Variants in GRID1 observed in about 807,000 individuals in gnomAD.
GRID1 encodes the protein glutamate ionotropic receptor delta type subunit 1, also known as glutamate receptor ionotropic, delta-1.
In GRID1, 28 loss-of-function variants were observed where a neutral mutation model predicts 98.0. That is an observed-to-expected ratio of 0.29 (90% confidence interval 0.21 to 0.39). GRID1 has a LOEUF of 0.39. Among genes scored for constraint, GRID1 ranks in the 10% least tolerant of loss-of-function variants. The probability of loss-of-function intolerance (pLI) is 1.00; values close to 1 mark genes in which losing one functional copy is unlikely to be tolerated. For missense variants in GRID1, 1,111 were observed against 1,340.5 expected (o/e 0.83, Z 2.67); for synonymous variants, 553 against 538.5 (o/e 1.03, Z -0.37).
intron 8 of GRID1, among the ~76,000 whole-genome samples, chr10:85,842,551 G>A (rs1842970696): frequency 6.6e-6 from 1 of 151,930 alleles, no homozygotes; most frequent in African/African-American, 2.4e-5. Context: ...AATCACAAAT[G>A]TCAGGAATAA....
chr10:85,922,148 G>A lies in GRID1; in HGVS notation c.727-5909C>T, dbSNP rs560677937. Among the ~76,000 whole-genome samples the A allele has an allele frequency of 2.2e-4, 34 of 152,272 alleles. No homozygotes were observed. The South Asian group carries it at 2.5e-3, about 11-fold the overall frequency. ...AAGCCCCAGATAACTGTCTGAAAAAGTTTTTGGGTCTGAACCTGGCCCCGT... is the reference window on the plus strand; with the variant it reads ...AAGCCCCAGATAACTGTCTGAAAAAATTTTTGGGTCTGAACCTGGCCCCGT... On this transcript the variant is annotated intron_variant, in intron 4 of 15. Transcript: ENST00000327946.
intron 8 of GRID1, among the ~76,000 whole-genome samples, chr10:85,769,130 ATAAC>A (rs1044229945): frequency 3.9e-4 from 60 of 152,376 alleles, no homozygotes; most frequent in Middle Eastern, 3.4e-3. Context: ...TAATATGAAA[ATAAC>A]TGCAAGAAAA....
chr10:85,647,032 G>C (rs1372067684), intron 13 of GRID1, 170 bp downstream of exon 13: 8 of 661,726 alleles, frequency 1.2e-5, no homozygotes, highest in East Asian at 2.5e-5. Flanking sequence ...ATAAGAAGCA[G>C]AGCAGCTGCT....
chr10:86,064,874 G>T lies in GRID1; in HGVS notation c.726+73945C>A, dbSNP rs535874335. On this transcript the variant is annotated intron_variant, in intron 4 of 15. Transcript: ENST00000327946. ...AAGAAAGAAGACAAACTGAAAACTCGCTGGCCACATGAAGCCTGCAAATGC... is the reference window on the plus strand; with the variant it reads ...AAGAAAGAAGACAAACTGAAAACTCTCTGGCCACATGAAGCCTGCAAATGC... 7.7e-4 allele frequency among the ~76,000 whole-genome samples: 118 copies of T among 152,262 alleles called. 2 individuals carry two copies. The highest frequency in any genetic ancestry group is 1.2e-3 in the South Asian group (6 of 4,820).
At chr10:85,876,171 T>A (rs1843329229) in intron 5 of GRID1, among the ~76,000 whole-genome samples, 1 of 152,156 alleles carries the variant, frequency 6.6e-6, no homozygotes, top group Admixed American at 6.5e-5. Flanking sequence ...TGCTTCAGAA[T>A]AACAGAGTTT....
intron 13 of GRID1, among the ~76,000 whole-genome samples, chr10:85,636,096 G>C (rs2132540682): frequency 6.6e-6 from 1 of 152,278 alleles, no homozygotes; most frequent in Non-Finnish European, 1.5e-5. Flanking sequence ...TCCATGCCAG[G>C]TTTCTCTCAT....
intron 2 of GRID1, among the ~76,000 whole-genome samples, chr10:86,291,854 C>G (rs1847517855): frequency 6.6e-6 from 1 of 152,202 alleles, no homozygotes; most frequent in Admixed American, 6.5e-5. Context: ...CAGGTGGCAG[C>G]AATTCAACAT....
chr10:85,738,975 C>G (rs755564152), intron 8 of GRID1, among the ~76,000 whole-genome samples: 1 of 151,968 alleles, frequency 6.6e-6, no homozygotes, highest in Non-Finnish European at 1.5e-5. Context: ...CCATATACCT[C>G]AAATGGATAG....
At chr10:86,139,075 T>G (rs1426189207) in intron 3 of GRID1, 51 bp from the exon 4 acceptor site, 12 of 1,331,576 alleles carry the variant, frequency 9.0e-6, no homozygotes, top group Non-Finnish European at 1.3e-5. Context: ...TAAGTGGGAA[T>G]GCACCCGGGA....
rs534771081 is a variant in GRID1 at position 85,979,876 on chromosome 10, T to C, written c.727-63637A>G. Among the ~76,000 whole-genome samples, 8 of 152,354 alleles carry C rather than the reference T, an allele frequency of 5.3e-5. No homozygotes were observed. In the South Asian group the frequency reaches 1.7e-3, roughly 32 times the overall value. The stretch of plus-strand genomic sequence containing the variant: ...GCCTACTCCAAGTTACCTTCATCTG[T>C]TGCCAAAACAATTTCAGTAGCCTCC... On this transcript the variant is annotated intron_variant, in intron 4 of 15. Transcript: ENST00000327946.
chr10:85,756,213 G>A (rs530399337), intron 8 of GRID1, among the ~76,000 whole-genome samples: 37 of 152,212 alleles, frequency 2.4e-4, no homozygotes, highest in African/African-American at 7.7e-4. Context: ...CACTGTGGCC[G>A]TAAATTTGCA....
chr10:86,206,477 C>T lies in GRID1; in HGVS notation c.407G>A (p.Gly136Asp), dbSNP rs376866423. 9.0e-5 allele frequency: 146 copies of T among 1,614,090 alleles called. No homozygotes were observed. The highest frequency in any genetic ancestry group is 1.2e-4 in the Non-Finnish European group (139 of 1,180,048). Residue 136 changes from glycine (G) to aspartate (D), a missense_variant, in exon 3 of 16, where the codon GGT becomes GAT. Transcript: ENST00000327946. The surrounding 1 kb of genome is among the most constrained non-coding windows in gnomAD (Gnocchi z 4.1). ...TCTCGAAGCCAGTGTGTAGGCCTCA[C>T]CATCGGGGCTGGGGTTCAGGTGGCA... ...TACHLNPSPD[G>D]EAYTLASRPP...
intron 5 of GRID1, among the ~76,000 whole-genome samples, chr10:85,878,000 G>T (rs144920874): frequency 6.6e-6 from 1 of 152,298 alleles, no homozygotes; most frequent in East Asian, 1.9e-4. Context: ...CGATGCAATC[G>T]ACTGGAAGAA....
In GRID1 at chr10:85,715,785, C is replaced by G. The variant is rs147385855; in HGVS notation, c.1997+7218G>C. 1.1e-4 allele frequency among the ~76,000 whole-genome samples: 16 copies of G among 152,272 alleles called. No homozygotes were observed. In the East Asian group the frequency reaches 3.1e-3, roughly 29 times the overall value. On this transcript the variant is annotated intron_variant, in intron 12 of 15. Transcript: ENST00000327946. Reference sequence around the variant, plus strand: ...TTAAATATAGAAGTACCGTATGATCCAGTGATCCTACTTCTTAATACAGAG... The same window carrying G: ...TTAAATATAGAAGTACCGTATGATCGAGTGATCCTACTTCTTAATACAGAG...
At chr10:85,615,012 C>T (rs951240337) in intron 14 of GRID1, among the ~76,000 whole-genome samples, 2 of 152,122 alleles carry the variant, frequency 1.3e-5, no homozygotes, top group South Asian at 2.1e-4. Flanking sequence ...GGGTATGTGT[C>T]GTTAGAGAGC....
rs1479164575 is a variant in GRID1 at position 86,234,171 on chromosome 10, GC to G, written c.236-27524del. Reference sequence around the variant, plus strand: ...TCTGTTTGCTACCAGACCTTAGCTGGCCCGGCAGAAATGCTCCATCCCCCTT... The same window carrying G: ...TCTGTTTGCTACCAGACCTTAGCTGGCCGGCAGAAATGCTCCATCCCCCTT... On this transcript the variant is annotated intron_variant, in intron 2 of 15. Transcript: ENST00000327946. 6.6e-5 allele frequency among the ~76,000 whole-genome samples: 10 copies of G among 152,218 alleles called. No homozygotes were observed. The East Asian group carries it at 1.9e-3, about 29-fold the overall frequency.
intron 2 of GRID1, among the ~76,000 whole-genome samples, chr10:86,223,553 C>T: frequency 6.6e-6 from 1 of 152,182 alleles, no homozygotes; most frequent in Non-Finnish European, 1.5e-5. Flanking sequence ...GCCACTGAAC[C>T]TCTCAGGAGA....
intron 12 of GRID1, among the ~76,000 whole-genome samples, chr10:85,713,427 A>G (rs1008330992): frequency 1.3e-5 from 2 of 151,798 alleles, no homozygotes; most frequent in South Asian, 4.1e-4. Flanking sequence ...CTCCCAAGAA[A>G]GAAAAATGCC....
chr10:85,671,943 G>C (rs1053057015), intron 12 of GRID1, among the ~76,000 whole-genome samples: 2 of 152,142 alleles, frequency 1.3e-5, no homozygotes, highest in African/African-American at 2.4e-5. Flanking sequence ...CAATTTTAAC[G>C]AAGGCTGAGA....
Sources: allele counts gnomAD v4.1 joint callset (sites outside exome capture counted in the v4.1 genomes callset), GRCh38; gene constraint gnomAD v4.1.1; non-coding constraint Gnocchi (gnomAD v3.1); transcripts MANE v1.5; gene names NCBI Gene and HGNC (gene_info 2026-07-23, HGNC 2026-07-21).